The following CNOT1 variants were observed in gnomAD, a reference collection of about 807,000 sequenced individuals.
The protein encoded by CNOT1 is CCR4-NOT transcription complex subunit 1.
Under a neutral mutation model 273.8 loss-of-function variants are expected in CNOT1, and 15 were observed. The ratio of observed to expected loss-of-function variants is 0.05; its 90% CI spans 0.04 to 0.08. The LOEUF is 0.08. Among genes scored for constraint, CNOT1 ranks in the 10% least tolerant of loss-of-function variants. The pLI is 1.00. For synonymous variants in CNOT1, 1,022 were observed against 1,005.5 expected (o/e 1.02, Z -0.31); for missense variants, 1,644 against 2,912.2 (o/e 0.56, Z 10.02).
Position 58,597,099 on chromosome 16 carries a change from GAA to G in CNOT1, c.102+2135_102+2136del, listed in dbSNP as rs71666373. Among the ~76,000 whole-genome samples, 934 of 133,506 alleles carry G rather than the reference GAA, an allele frequency of 7.0e-3. 10 individuals carry two copies. Among genetic ancestry groups the G allele is most frequent in the African/African-American group, 0.023 (818 of 36,144 alleles). 87.6% of individuals were successfully genotyped at this position (133,506 alleles called of 152,430 possible). ...CAAGCTCAACCAGGGCATTTAAAAA[GAA>G]AAAAAAAAAAAAGGACTAAGTAGCT... On this transcript the variant is annotated intron_variant, in intron 2 of 48. Coordinates refer to ENST00000317147, the MANE Select transcript of CNOT1 (RefSeq NM_016284.5).
chr16:58,627,802 G>A (rs1287911532), intron 1 of CNOT1, among the ~76,000 whole-genome samples: 1 of 152,126 alleles, frequency 6.6e-6, no homozygotes, highest in East Asian at 1.9e-4. Flanking sequence ...AATATTTTCA[G>A]TTACAAATAG....
Position 58,542,343 on chromosome 16 carries a change from C to T in CNOT1, c.4576-8G>A. 2 of 1,612,466 alleles carry T rather than the reference C, an allele frequency of 1.2e-6. No homozygotes were observed. The highest frequency in any genetic ancestry group is 1.7e-6 in the Non-Finnish European group (2 of 1,179,608). On this transcript the variant is annotated splice_polypyrimidine_tract_variant and splice_region_variant and intron_variant, in intron 32 of 48. Coordinates refer to ENST00000317147, the MANE Select transcript of CNOT1 (RefSeq NM_016284.5). ...TTTTCTCAGCTCAAATTCCTGCAAA[C>T]AAAAAAAGTCACTGAGGTTCTTGTT...
intron 38 of CNOT1, 67 bp downstream of exon 38, chr16:58,537,824 A>G: frequency 6.3e-7 from 1 of 1,587,040 alleles, no homozygotes; most frequent in Non-Finnish European, 8.6e-7. Flanking sequence ...GTAAGTCTGC[A>G]TATTCATTCC....
At chr16:58,624,523 G>A (rs988558949) in intron 1 of CNOT1, 4 of 152,162 alleles carry the variant, frequency 2.6e-5, no homozygotes, top group Non-Finnish European at 5.9e-5. Flanking sequence ...AAATCACTGT[G>A]GGTGCGACGG....
At chr16:58,546,992 C>A (rs566554465) in intron 27 of CNOT1, among the ~76,000 whole-genome samples, 194 bp downstream of exon 27, 249 of 152,094 alleles carry the variant, frequency 1.6e-3, no homozygotes, top group African/African-American at 5.5e-3. Flanking sequence ...AACAAAAAAC[C>A]AAAAACCAAA....
chr16:58,587,973 CTA>C, intron 3 of CNOT1, 95 bp from the exon 4 acceptor site: 1 of 1,200,600 alleles, frequency 8.3e-7, no homozygotes, highest in Non-Finnish European at 1.2e-6. Flanking sequence ...TGATCTAACA[CTA>C]TATACTGTTA....
At chr16:58,587,469 T>C in intron 4 of CNOT1, 56 bp from the exon 5 acceptor site, 1 of 1,606,098 alleles carries the variant, frequency 6.2e-7, no homozygotes. Context: ...AAGAAGTTTT[T>C]AACAACCTAT....
In CNOT1 at chr16:58,538,790, C is replaced by T; in HGVS notation, c.5117G>A (p.Cys1706Tyr). 1 of 1,612,684 alleles carries T rather than the reference C, an allele frequency of 6.2e-7. No homozygotes were observed. The highest frequency in any genetic ancestry group is 8.5e-7 in the Non-Finnish European group (1 of 1,179,888). ...TACTGACCTTGTGATCTGTTTGTTG[C>T]ACCATGGAGACCCATATGCCCGGCC... ...QDGRAYGSPW[C>Y]NKQITRCLIE... The change falls in exon 36 of 49, where the codon TGC becomes TAC. Residue 1706 changes from cysteine to tyrosine, a missense_variant. This residue lies in a region of CNOT1 where 170 missense variants were observed against 273.1 expected (regional missense o/e 0.62). Transcript: ENST00000317147.
intron 1 of CNOT1, among the ~76,000 whole-genome samples, chr16:58,620,653 TAAAAAAAA>T (rs200053031): frequency 0.29 from 30,894 of 107,284 alleles, 4,065 homozygotes; most frequent in African/African-American, 0.43. Context: ...CTGTCTCATT[TAAAAAAAA>T]AAAAAAAAAA....
chr16:58,615,578 A>C (rs1029840080), intron 1 of CNOT1, among the ~76,000 whole-genome samples: 2 of 125,776 alleles, frequency 1.6e-5, no homozygotes, highest in African/African-American at 5.4e-5. Flanking sequence ...AAACATCCTC[A>C]ATGAAAATTA....
intron 2 of CNOT1, among the ~76,000 whole-genome samples, chr16:58,595,445 C>T (rs1006445698): frequency 6.8e-6 from 1 of 147,138 alleles, no homozygotes; most frequent in Admixed American, 6.8e-5. Flanking sequence ...AAAAAAACTC[C>T]ATCTAAAAAA....
rs373397372 is a variant in CNOT1, at chr16:58,535,743, A to G, written c.5646+1246T>C. Among the ~76,000 whole-genome samples the G allele has an allele frequency of 3.4e-5, 5 of 148,686 alleles. No individual in the cohort carries two copies. The South Asian group carries it at 6.4e-4, about 19-fold the overall frequency. On this transcript the variant is annotated intron_variant, in intron 39 of 48. Transcript: ENST00000317147. ...AAACCTAATTTCTTTTTTTTTTTTA[A>G]TTTTTTTTGAGACGGAGCCTCGCTC...
rs1190025319 is a variant in CNOT1, at chr16:58,587,396, G to A, written c.327C>T (p.Pro109=). The change falls in exon 5 of 49, where the codon CCC becomes CCT. Residue 109 remains proline, a synonymous_variant. Transcript: ENST00000317147. ...CTTTACTCAGCTGGGCAAATAAGTG[G>A]GGTGCAGGCTTTAAACTCTGAAACA... ...LHYQKSLKPA[P]HLFAQLSKVL... 1 of 1,613,758 alleles carries A rather than the reference G, an allele frequency of 6.2e-7. No homozygotes were observed. The highest frequency in any genetic ancestry group is 1.3e-5 in the African/African-American group (1 of 75,020).
intron 44 of CNOT1, chr16:58,527,969 C>CA (rs780324738): frequency 6.1e-6 from 2 of 325,956 alleles, no homozygotes; most frequent in Non-Finnish European, 1.2e-5. Context: ...CATAATTAGC[C>CA]AGGTGTGGTG....
chr16:58,588,210 A>T (rs532311899), intron 3 of CNOT1, among the ~76,000 whole-genome samples: 14 of 152,174 alleles, frequency 9.2e-5, no homozygotes, highest in African/African-American at 3.4e-4. Context: ...GAGGCAGGAG[A>T]ATCGCTTGAA....
chr16:58,586,709 C>T lies in CNOT1; in HGVS notation c.473G>A (p.Arg158His), dbSNP rs745954288. ...ACTGACGTCTGCGTCAATGTAAGAA[C>T]GCAGAAGATCTGGAAGCTTCTGTTT... is the stretch of plus-strand genomic sequence containing the variant. ...FIKQKLPDLL[R>H]SYIDADVSGN... The change falls in exon 7 of 49, where the codon CGT (arginine) becomes CAT (histidine). Residue 158 changes from arginine to histidine, a missense_variant. Around this residue, in one of 13 missense-constraint regions of CNOT1, gnomAD observed 706 missense variants for 1,021.2 expected, o/e 0.69. Transcript: ENST00000317147. 8.1e-6 allele frequency: 13 copies of T among 1,613,038 alleles called. No homozygotes were observed. Among genetic ancestry groups the T allele is most frequent in the East Asian group, 4.5e-5 (2 of 44,852 alleles).
intron 37 of CNOT1, 33 bp downstream of exon 37, chr16:58,538,125 C>A (rs753088640): frequency 6.2e-7 from 1 of 1,610,346 alleles, no homozygotes; most frequent in Middle Eastern, 1.7e-4. Context: ...TTCCCTGAGT[C>A]CTTTTGTCCG....
At chr16:58,579,150 C>T (rs997837095) in intron 12 of CNOT1, among the ~76,000 whole-genome samples, 1 of 152,162 alleles carries the variant, frequency 6.6e-6, no homozygotes, top group Non-Finnish European at 1.5e-5. Flanking sequence ...GAAGATCTAA[C>T]TCTATCCTCA....
At chr16:58,579,004 A>G (rs1178512118) in intron 12 of CNOT1, 65 bp from the exon 13 acceptor site, 9 of 1,566,114 alleles carry the variant, frequency 5.7e-6, no homozygotes, top group Admixed American at 5.4e-5. Context: ...AATTTTCAAA[A>G]TAAGTGATAC....
Sources: gnomAD v4.1 joint callset for allele counts (sites outside exome capture counted in the v4.1 genomes callset) on GRCh38, gnomAD v4.1.1 for gene constraint, gnomAD v4.1.1 regional missense constraint, MANE v1.5 for transcripts, NCBI Gene and HGNC (gene_info 2026-07-23, HGNC 2026-07-21) for gene names.